Variants in ZDHHC4 observed in about 807,000 individuals in gnomAD.
ZDHHC4 encodes palmitoyltransferase ZDHHC4.
A neutral mutation model predicts 36.7 loss-of-function variants in ZDHHC4; 42 were observed. The ratio of observed to expected loss-of-function variants is 1.14; its 90% CI spans 0.89 to 1.48. ZDHHC4 has a LOEUF of 1.48. Ranked by LOEUF, ZDHHC4 falls within the 40% of genes most tolerant of loss-of-function variation. ZDHHC4 has a pLI of 0.00. For missense variants in ZDHHC4, 457 were observed against 421.5 expected (o/e 1.08, Z -0.74); for synonymous variants, 189 against 166.6 (o/e 1.13, Z -1.03).
At position 6,585,370 on chromosome 7, in the gene ZDHHC4, T is replaced by A. The variant is rs1562544445; in HGVS notation, c.741+110T>A. On this transcript the variant is annotated intron_variant, in intron 7 of 7. Coordinates refer to ENST00000335965, the MANE Select transcript of ZDHHC4 (RefSeq NM_001134389.2). ...GGGGTGTGGTGGCTCACGCCTATAA[T>A]CCCAGCACTTTTGGAGGCCGAGGTG... is the stretch of plus-strand genomic sequence containing the variant. 8 of 1,452,938 alleles carry A rather than the reference T, an allele frequency of 5.5e-6. No homozygotes were observed. In the East Asian group the frequency reaches 1.6e-4, roughly 30 times the overall value. The allele number at this position is 1,452,938 out of a possible 1,614,324, so 90.0% of individuals were successfully genotyped here. A position where few individuals can be genotyped will look rare whatever the true frequency, so the allele number is the denominator to read the frequency against.
Position 6,580,102 on chromosome 7 carries a change from T to G in ZDHHC4, c.-7-453T>G, listed in dbSNP as rs1042044690. On this transcript the variant is annotated intron_variant, in intron 2 of 7. Coordinates refer to ENST00000335965, the MANE Select transcript of ZDHHC4 (RefSeq NM_001134389.2). ...GTGAGCCAAGATCACGCCACCGCAC[T>G]GCAACCTGGGTAACAAGAGTGAAAC... Among the ~76,000 whole-genome samples, 3 of 152,064 alleles carry G rather than the reference T, an allele frequency of 2.0e-5. 1 individual carries two copies. The highest frequency in any genetic ancestry group is 2.0e-4 in the Admixed American group (3 of 15,270).
intron 6 of ZDHHC4, chr7:6,583,686 C>A (rs1781029599): frequency 1.6e-5 from 6 of 383,694 alleles, no homozygotes; most frequent in South Asian, 5.4e-5. Flanking sequence ...ATGCTCCCCA[C>A]AAGTTGTTTC....
rs1485693594 is a variant in ZDHHC4, at chr7:6,589,009, T to C, written c.*99T>C. 1 of 1,453,074 alleles carries C rather than the reference T, an allele frequency of 6.9e-7. No individual in the cohort carries two copies. Among genetic ancestry groups the C allele is most frequent in the Non-Finnish European group, 9.3e-7 (1 of 1,071,220 alleles). The allele number at this position is 1,453,074 out of a possible 1,614,324, so 90.0% of individuals were successfully genotyped here. ...TTGTTTGTTTTGATTTCTGCTGTGC[T>C]TATAAATCACTTTCGGTGGGCAAGG... On this transcript the variant is annotated 3_prime_UTR_variant, in exon 8 of 8. Transcript: ENST00000335965.
In ZDHHC4 at chr7:6,582,313, C is replaced by T. The variant is rs188337514; in HGVS notation, c.370+62C>T. 3,863 of 1,454,546 alleles carry T rather than the reference C, an allele frequency of 2.7e-3. 15 individuals are homozygous for T. Among genetic ancestry groups the T allele is most frequent in the Non-Finnish European group, 3.1e-3 (3,264 of 1,068,504 alleles). The allele number at this position is 1,454,546 out of a possible 1,614,324, so 90.1% of individuals were successfully genotyped here. A position where few individuals can be genotyped will look rare whatever the true frequency, so the allele number is the denominator to read the frequency against. ...CTCCACTGTCTTACTAATAGTGCTG[C>T]AAACAAGGAGAGGCCCCCCCTGAGG... On this transcript the variant is annotated intron_variant, in intron 5 of 7. Coordinates refer to ENST00000335965, the MANE Select transcript of ZDHHC4 (RefSeq NM_001134389.2).
chr7:6,588,581 C>T (rs1583397777), intron 7 of ZDHHC4, 36 bp from the exon 8 acceptor site: 3 of 1,601,052 alleles, frequency 1.9e-6, no homozygotes, highest in Non-Finnish European at 2.6e-6. Context: ...TGTCACAGTC[C>T]AGCTGCCTAA....
chr7:6,588,943 C>A lies in ZDHHC4; in HGVS notation c.*33C>A, dbSNP rs775709383. On this transcript the variant is annotated 3_prime_UTR_variant, in exon 8 of 8. Transcript: ENST00000335965. ...ATGACTGCCTTTGAGCTGTAGTTCC[C>A]GTTTATTTACACATGTGGATCCTCG... The A allele has an allele frequency of 1.9e-6, 3 of 1,581,158 alleles. No individual in the cohort carries two copies. Among genetic ancestry groups the A allele is most frequent in the South Asian group, 2.3e-5 (2 of 88,580 alleles).
chr7:6,582,174 T>G lies in ZDHHC4; in HGVS notation c.293T>G (p.Leu98Trp). ...TACTGTCAGGAGCTGGAGTTGTCCT[T>G]GCATTACCTTCTTCTGCCCTATCTG... ...FGYCQELELS[L>W]HYLLLPYLLL... The change falls in exon 5 of 8, where the codon TTG becomes TGG. Residue 98 changes from leucine (L) to tryptophan (W), a missense_variant. By Grantham distance (61) the Leu-to-Trp change is moderately conservative. Coordinates refer to ENST00000335965, the MANE Select transcript of ZDHHC4 (RefSeq NM_001134389.2). 6.2e-7 allele frequency: 1 copy of G among 1,614,138 alleles called. No homozygotes were observed. The highest frequency in any genetic ancestry group is 8.5e-7 in the Non-Finnish European group (1 of 1,180,002).
chr7:6,585,177 G>A lies in ZDHHC4; in HGVS notation c.658G>A (p.Val220Met). 6.2e-7 allele frequency: 1 copy of A among 1,614,190 alleles called. No homozygotes were observed. The highest frequency in any genetic ancestry group is 8.5e-7 in the Non-Finnish European group (1 of 1,180,038). The stretch of plus-strand genomic sequence containing the variant: ...GAGCACCACTTTTCTGGTCCACTTG[G>A]TGGTGATGTCAGATTTATACCAGGA... Reference protein sequence around the residue: ...IVSTTFLVHLVVMSDLYQETY... With the variant: ...IVSTTFLVHLMVMSDLYQETY... Residue 220 changes from valine (V) to methionine (M), a missense_variant, in exon 7 of 8, where the codon GTG becomes ATG. Physicochemically the swap from Val to Met is conservative, Grantham distance 21 (BLOSUM62 1). Transcript: ENST00000335965.
chr7:6,589,213 C>T lies in ZDHHC4; in HGVS notation c.*303C>T. 1 of 374,316 alleles carries T rather than the reference C, an allele frequency of 2.7e-6. No homozygotes were observed. Among genetic ancestry groups the T allele is most frequent in the Non-Finnish European group, 5.1e-6 (1 of 197,806 alleles). The allele number at this position is 374,316 out of a possible 1,614,324, so 23.2% of individuals were successfully genotyped here. On this transcript the variant is annotated 3_prime_UTR_variant, in exon 8 of 8. Transcript: ENST00000335965. ...GCATGTGGACAGGAGGGGCTTGCGGCCGTGTCTCTGACCTGTGTGATGTGC... is the reference window on the plus strand; with the variant it reads ...GCATGTGGACAGGAGGGGCTTGCGGTCGTGTCTCTGACCTGTGTGATGTGC...
chr7:6,582,900 G>A (rs887122146), intron 5 of ZDHHC4, among the ~76,000 whole-genome samples: 6 of 152,110 alleles, frequency 3.9e-5, no homozygotes, highest in Non-Finnish European at 5.9e-5. Flanking sequence ...GTGGCTGGGC[G>A]CGGTGGCTCA....
chr7:6,578,130 TC>T lies in ZDHHC4; in HGVS notation c.-162-435del, dbSNP rs1780569389. The stretch of plus-strand genomic sequence containing the variant: ...TAGGCGTGAGCCACCGCGCCCGGCC[TC>T]TTTTATTGTTTTTAGAGATGGGGTC... On this transcript the variant is annotated intron_variant, in intron 1 of 7. Transcript: ENST00000335965. 5.3e-5 allele frequency among the ~76,000 whole-genome samples: 8 copies of T among 151,998 alleles called. No homozygotes were observed. In the South Asian group the frequency reaches 1.7e-3, roughly 32 times the overall value.
At chr7:6,585,636 C>A (rs1781189543) in intron 7 of ZDHHC4, among the ~76,000 whole-genome samples, 1 of 151,776 alleles carries the variant, frequency 6.6e-6, no homozygotes, top group Non-Finnish European at 1.5e-5. Flanking sequence ...GAAACCCCAT[C>A]TCTACTAAAA....
intron 5 of ZDHHC4, 110 bp from the exon 6 acceptor site, chr7:6,583,196 A>T: frequency 8.1e-7 from 1 of 1,232,356 alleles, no homozygotes; most frequent in Non-Finnish European, 1.1e-6. Context: ...AAAAAGAATT[A>T]CTTACGATAT....
Position 6,582,192 on chromosome 7 carries a change from C to T in ZDHHC4, c.311C>T (p.Pro104Leu). Reference protein sequence around the residue: ...LELSLHYLLLPYLLLGVNLFF... With the variant: ...LELSLHYLLLLYLLLGVNLFF... ...TTGTCCTTGCATTACCTTCTTCTGC[C>T]CTATCTGCTGCTAGGTGTAAACCTG... Residue 104 changes from proline (P) to leucine (L), a missense_variant, in exon 5 of 8, where the codon CCC (proline) becomes CTC (leucine). Transcript: ENST00000335965. The T allele has an allele frequency of 6.2e-7, 1 of 1,614,112 alleles. No individual in the cohort carries two copies. Among genetic ancestry groups the T allele is most frequent in the South Asian group, 1.1e-5 (1 of 91,086 alleles).
At chr7:6,580,220 C>T (rs371537993) in intron 2 of ZDHHC4, among the ~76,000 whole-genome samples, 4 of 151,970 alleles carry the variant, frequency 2.6e-5, no homozygotes, top group South Asian at 2.1e-4. Flanking sequence ...AGGCTGGTCT[C>T]GAACTCCTGA....
intron 4 of ZDHHC4, 37 bp from the exon 5 acceptor site, chr7:6,582,036 A>C: frequency 6.3e-7 from 1 of 1,584,484 alleles, no homozygotes; most frequent in Non-Finnish European, 8.6e-7. Flanking sequence ...CTTCAAGAAG[A>C]AACCCCCATG....
intron 2 of ZDHHC4, among the ~76,000 whole-genome samples, chr7:6,579,223 C>T (rs1163599114): frequency 2.8e-5 from 4 of 141,036 alleles, no homozygotes; most frequent in Non-Finnish European, 4.6e-5. Context: ...TTTTTTGAAA[C>T]GGAGTCTCGC....
chr7:6,588,911 C>A lies in ZDHHC4; in HGVS notation c.*1C>A. 1 of 1,605,028 alleles carries A rather than the reference C, an allele frequency of 6.2e-7. No individual in the cohort carries two copies. Among genetic ancestry groups the A allele is most frequent in the Non-Finnish European group, 8.5e-7 (1 of 1,172,458 alleles). ...TCATGAGAGGAAGAAACAAGAATGA[C>A]AAGTGTATGACTGCCTTTGAGCTGT... On this transcript the variant is annotated 3_prime_UTR_variant, in exon 8 of 8. Coordinates refer to ENST00000335965, the MANE Select transcript of ZDHHC4 (RefSeq NM_001134389.2).
At chr7:6,588,247 A>C (rs918821157) in intron 7 of ZDHHC4, among the ~76,000 whole-genome samples, 1 of 152,194 alleles carries the variant, frequency 6.6e-6, no homozygotes, top group Non-Finnish European at 1.5e-5. Flanking sequence ...ATCCTTGTAC[A>C]TCTATTTTTG....
Sources: gnomAD v4.1 joint callset for allele counts (sites outside exome capture counted in the v4.1 genomes callset) on GRCh38, gnomAD v4.1.1 for gene constraint, MANE v1.5 for transcripts, NCBI Gene and HGNC (gene_info 2026-07-23, HGNC 2026-07-21) for gene names.